PPP2R2D: variants seen among roughly 807,000 people sequenced by gnomAD.
PPP2R2D encodes serine/threonine-protein phosphatase 2A 55 kDa regulatory subunit B delta isoform.
In PPP2R2D, 9 loss-of-function variants were observed where a neutral mutation model predicts 31.1. The observed-to-expected ratio is 0.29, with a 90% confidence interval of 0.17 to 0.51. The LOEUF is 0.51. PPP2R2D is among the 20% of genes least tolerant of loss of function. The pLI is 0.98. For synonymous variants in PPP2R2D, 179 were observed against 172.6 expected, an observed-to-expected ratio of 1.04 and a Z score of -0.29; for missense variants, 391 against 465.6, an observed-to-expected ratio of 0.84 and a Z score of 1.48.
intron 2 of PPP2R2D, among the ~76,000 whole-genome samples, chr10:131,920,275 T>C (rs1480206045): frequency 6.7e-6 from 1 of 149,206 alleles, no homozygotes; most frequent in African/African-American, 2.5e-5. Context: ...AATGACACAG[T>C]GTAGGGACCT....
chr10:131,945,194 C>T lies in PPP2R2D; in HGVS notation c.656-101C>T. ...CTTCTTAATAGCTAATCCCTTAAAC[C>T]TCACTGCGTGGATTATTTGGCGTCC... On this transcript the variant is annotated intron_variant, in intron 6 of 8. Transcript: ENST00000455566. The surrounding 1 kb of genome is among the most constrained non-coding windows in gnomAD (Gnocchi z 4.8). The T allele has an allele frequency of 7.3e-7, 1 of 1,372,478 alleles. No individual in the cohort carries two copies. The highest frequency in any genetic ancestry group is 1.0e-6 in the Non-Finnish European group (1 of 1,002,058). The allele number at this position is 1,372,478 out of a possible 1,614,324, so 85.0% of individuals were successfully genotyped here.
the PPP2R2D span, among the ~76,000 whole-genome samples, chr10:131,965,083 C>T: frequency 1.4e-3 from 206 of 152,242 alleles, 2 homozygotes; most frequent in East Asian, 7.3e-3. Context: ...TTTGTCCTCC[C>T]ATTTGCAGTT....
In PPP2R2D at chr10:131,918,525, C is replaced by T. The variant is rs541833448; in HGVS notation, c.101-15933C>T. ...GACAGTGTTTGTAGGGACCTCAGGCCGGTGGAATGACACAGTGTAGGGATC... is the reference window on the plus strand; with the variant it reads ...GACAGTGTTTGTAGGGACCTCAGGCTGGTGGAATGACACAGTGTAGGGATC... On this transcript the variant is annotated intron_variant, in intron 2 of 8. Transcript: ENST00000455566. 1.9e-3 allele frequency among the ~76,000 whole-genome samples: 142 copies of T among 73,204 alleles called. 2 individuals are homozygous for T. The highest frequency in any genetic ancestry group is 7.0e-3 in the African/African-American group (129 of 18,302). The allele number at this position is 73,204 out of a possible 152,430, so 48.0% of individuals were successfully genotyped here.
chr10:131,942,381 T>C (rs782523989), intron 5 of PPP2R2D, among the ~76,000 whole-genome samples: 1 of 152,214 alleles, frequency 6.6e-6, no homozygotes, highest in Non-Finnish European at 1.5e-5. Context: ...CATTAGTTGG[T>C]GCATGGGGAA....
At chr10:131,935,017 C>T in intron 3 of PPP2R2D, 1 of 454,018 alleles carries the variant, frequency 2.2e-6, no homozygotes, top group Admixed American at 2.3e-5. Flanking sequence ...GTGAGCAGCA[C>T]TCACTCCTCC....
intron 8 of PPP2R2D, among the ~76,000 whole-genome samples, chr10:131,948,480 A>G (rs1278384007): frequency 3.3e-5 from 5 of 152,238 alleles, no homozygotes; most frequent in African/African-American, 1.2e-4. Context: ...ATATTCTGCA[A>G]AACCCTCTGG....
chr10:131,930,318 C>T (rs1400118468), intron 2 of PPP2R2D, among the ~76,000 whole-genome samples: 1 of 152,214 alleles, frequency 6.6e-6, no homozygotes, highest in Non-Finnish European at 1.5e-5. Context: ...GTCTCCCTGG[C>T]CTGAACGGCC....
chr10:131,923,918 G>T (rs549665052), intron 2 of PPP2R2D, among the ~76,000 whole-genome samples: 1 of 151,946 alleles, frequency 6.6e-6, no homozygotes, highest in Non-Finnish European at 1.5e-5. Flanking sequence ...CACCACAGCC[G>T]GCTAACTTTT....
intron 2 of PPP2R2D, among the ~76,000 whole-genome samples, chr10:131,908,854 A>G (rs2035640033): frequency 6.6e-6 from 1 of 152,228 alleles, no homozygotes. Context: ...ATGAAGGGTA[A>G]TGCAGGGGCC....
At chr10:131,926,529 G>C (rs1207433152) in intron 2 of PPP2R2D, among the ~76,000 whole-genome samples, 1 of 152,130 alleles carries the variant, frequency 6.6e-6, no homozygotes, top group African/African-American at 2.4e-5. Flanking sequence ...ATTAAAAAAG[G>C]TAGACAATTT....
At chr10:131,929,973 A>G (rs1455171730) in intron 2 of PPP2R2D, among the ~76,000 whole-genome samples, 3 of 151,856 alleles carry the variant, frequency 2.0e-5, no homozygotes, top group South Asian at 2.1e-4. Context: ...GTCAGTGCCA[A>G]CCTCCTGTAT....
At chr10:131,932,681 A>AAC (rs2036263783) in intron 2 of PPP2R2D, among the ~76,000 whole-genome samples, 1 of 149,890 alleles carries the variant, frequency 6.7e-6, no homozygotes, top group Non-Finnish European at 1.5e-5. Context: ...CACAAAAAAA[A>AAC]CCTAACTTGG....
downstream of PPP2R2D, among the ~76,000 whole-genome samples, chr10:131,961,574 G>A (rs1250187139): frequency 6.6e-6 from 1 of 152,142 alleles, no homozygotes; most frequent in African/African-American, 2.4e-5. Context: ...TGCCCCATAC[G>A]CCCCTCAGAT....
chr10:131,921,122 A>G (rs2035978360), intron 2 of PPP2R2D, among the ~76,000 whole-genome samples: 1 of 152,212 alleles, frequency 6.6e-6, no homozygotes, highest in Non-Finnish European at 1.5e-5. Context: ...CAGCTCTCAG[A>G]GTGATGATCG....
chr10:131,902,413 G>C (rs1368104956), intron 2 of PPP2R2D, among the ~76,000 whole-genome samples: 1 of 152,054 alleles, frequency 6.6e-6, no homozygotes, highest in African/African-American at 2.4e-5. Flanking sequence ...ACCTCTCCCT[G>C]GCAGTGTCTG....
At chr10:131,961,803 C>T (rs1027242127), downstream of PPP2R2D, among the ~76,000 whole-genome samples, 5 of 151,324 alleles carry the variant, frequency 3.3e-5, no homozygotes, top group African/African-American at 4.9e-5. Flanking sequence ...ATACCCAGGA[C>T]GGGAACCCAC....
chr10:131,922,688 C>T (rs1039434155), intron 2 of PPP2R2D, among the ~76,000 whole-genome samples: 5 of 151,928 alleles, frequency 3.3e-5, no homozygotes, highest in Admixed American at 6.6e-5. Flanking sequence ...CCTCGTGATC[C>T]GCCTGCCTCG....
At position 131,944,046 on chromosome 10, in the gene PPP2R2D, A is replaced by G. The variant is rs2119885090; in HGVS notation, c.556A>G (p.Ile186Val). ...TTTTGCAAATGCTCACACATATCAT[A>G]TAAATTCCATTTCAGTAAATAGTGA... is the stretch of plus-strand genomic sequence containing the variant. ...RIFANAHTYHINSISVNSDHE... is the reference protein window; with the variant it reads ...RIFANAHTYHVNSISVNSDHE... The change falls in exon 6 of 9, where the codon ATA becomes GTA. Residue 186 changes from isoleucine to valine, a missense_variant. Coordinates refer to ENST00000455566, the MANE Select transcript of PPP2R2D (RefSeq NM_018461.5). The G allele has an allele frequency of 6.3e-7, 1 of 1,591,466 alleles. No homozygotes were observed. The highest frequency in any genetic ancestry group is 2.2e-5 in the East Asian group (1 of 44,780).
chr10:131,941,718 A>G (rs2036445357), intron 5 of PPP2R2D, among the ~76,000 whole-genome samples: 1 of 152,180 alleles, frequency 6.6e-6, no homozygotes, highest in African/African-American at 2.4e-5. Flanking sequence ...TCCCTAACAC[A>G]TGTGCCTCTG....
Sources: allele counts gnomAD v4.1 joint callset (sites outside exome capture counted in the v4.1 genomes callset), GRCh38; gene constraint gnomAD v4.1.1; non-coding constraint Gnocchi (gnomAD v3.1); transcripts MANE v1.5; gene names NCBI Gene and HGNC (gene_info 2026-07-23, HGNC 2026-07-21).